FBXL17: variants seen among roughly 807,000 people sequenced by gnomAD.
FBXL17 encodes the protein F-box/LRR-repeat protein 17.
Under a neutral mutation model 66.2 loss-of-function variants are expected in FBXL17, and 22 were observed. The ratio of observed to expected loss-of-function variants is 0.33; its 90% CI spans 0.24 to 0.47. The LOEUF is 0.47. Ranked by LOEUF, FBXL17 falls within the 20% of genes least tolerant of loss-of-function variation. The probability of loss-of-function intolerance (pLI) is 1.00; values close to 1 mark genes in which losing one functional copy is unlikely to be tolerated. For missense variants in FBXL17, 878 were observed against 948.2 expected, an observed-to-expected ratio of 0.93 and a Z score of 0.97; for synonymous variants, 474 against 400.5, an observed-to-expected ratio of 1.18 and a Z score of -2.19.
intron 7 of FBXL17, among the ~76,000 whole-genome samples, chr5:107,894,392 C>T (rs1412627870): frequency 6.6e-6 from 1 of 152,304 alleles, no homozygotes; most frequent in South Asian, 2.1e-4. Context: ...GCTTACTCTA[C>T]TGCAAGTTTT....
chr5:108,050,054 T>A (rs1044113684), intron 6 of FBXL17, among the ~76,000 whole-genome samples: 1 of 152,134 alleles, frequency 6.6e-6, no homozygotes, highest in Non-Finnish European at 1.5e-5. Flanking sequence ...TAAATATACA[T>A]GTACCCAATA....
intron 7 of FBXL17, among the ~76,000 whole-genome samples, chr5:107,971,971 T>C (rs143290932): frequency 3.9e-5 from 6 of 152,354 alleles, no homozygotes; most frequent in African/African-American, 4.8e-5. Flanking sequence ...TGTGTACTTA[T>C]TATACTCATT....
At chr5:108,304,159 T>C (rs1218777418) in intron 4 of FBXL17, among the ~76,000 whole-genome samples, 4 of 152,030 alleles carry the variant, frequency 2.6e-5, no homozygotes, top group African/African-American at 9.7e-5. Context: ...AACACTTTGA[T>C]AGTTGTTTTA....
intron 6 of FBXL17, among the ~76,000 whole-genome samples, chr5:108,184,605 C>T (rs898377056): frequency 1.6e-4 from 24 of 151,916 alleles, no homozygotes; most frequent in African/African-American, 5.1e-4. Flanking sequence ...CCGTGCCCAG[C>T]CAGTGGTGCA....
chr5:107,990,490 A>G (rs1382612859), intron 7 of FBXL17, among the ~76,000 whole-genome samples: 1 of 152,162 alleles, frequency 6.6e-6, no homozygotes, highest in Non-Finnish European at 1.5e-5. Context: ...TGGCTCCATG[A>G]CTTAAAAACC....
chr5:107,966,861 C>T lies in FBXL17; in HGVS notation c.1822+54064G>A, dbSNP rs1321373622. Among the ~76,000 whole-genome samples, 3 of 152,154 alleles carry T rather than the reference C, an allele frequency of 2.0e-5. No individual in the cohort carries two copies. In the East Asian group the frequency reaches 5.8e-4, roughly 29 times the overall value. On this transcript the variant is annotated intron_variant, in intron 7 of 8. Transcript: ENST00000542267. ...TTTTGCAGGTTGTGTTTTAGGAGTA[C>T]GGTGATCTACTTTAATAATAATTGA...
intron 6 of FBXL17, among the ~76,000 whole-genome samples, chr5:108,046,324 C>T (rs1747252281): frequency 6.6e-6 from 1 of 152,056 alleles, no homozygotes; most frequent in African/African-American, 2.4e-5. Context: ...TCCAACCTGC[C>T]TATATTGTTA....
chr5:107,933,625 A>G (rs1750803170), intron 7 of FBXL17, among the ~76,000 whole-genome samples: 1 of 152,174 alleles, frequency 6.6e-6, no homozygotes, highest in African/African-American at 2.4e-5. Flanking sequence ...ACTTAAATGT[A>G]GTCACAGAAA....
rs1398049134 is a variant in FBXL17 at position 108,381,435 on chromosome 5, G to GGCGGCGGCGAGA, written c.245_256dup (p.Leu82_Pro85dup). 6.9e-6 allele frequency: 9 copies of GGCGGCGGCGAGA among 1,311,776 alleles called. No individual in the cohort carries two copies. The Admixed American group carries it at 1.3e-4, about 18-fold the overall frequency. 81.3% of individuals were successfully genotyped at this position (1,311,776 alleles called of 1,614,324 possible). A position where few individuals can be genotyped will look rare whatever the true frequency, so the allele number is the denominator to read the frequency against. ...GGCGGCAGCGTAGGCCCCGTCCCGC[G>GGCGGCGGCGAGA]GCGGCGGCGAGAGCGGCGGCTCCTC... On this transcript the variant is annotated inframe_insertion, in exon 1 of 9. Coordinates refer to ENST00000542267, the MANE Select transcript of FBXL17 (RefSeq NM_001163315.3).
intron 4 of FBXL17, among the ~76,000 whole-genome samples, chr5:108,339,182 T>C (rs1383954969): frequency 6.6e-6 from 1 of 152,230 alleles, no homozygotes; most frequent in African/African-American, 2.4e-5. Context: ...CCTTTAAGTT[T>C]AGTCACTGAA....
At chr5:108,139,441 A>G (rs575557333) in intron 6 of FBXL17, among the ~76,000 whole-genome samples, 68 of 152,314 alleles carry the variant, frequency 4.5e-4, no homozygotes, top group African/African-American at 1.5e-3. Flanking sequence ...TTGAGTTCTC[A>G]TAAGTGGACT....
At chr5:107,897,864 C>G (rs903913997) in intron 7 of FBXL17, among the ~76,000 whole-genome samples, 1 of 149,564 alleles carries the variant, frequency 6.7e-6, no homozygotes, top group Non-Finnish European at 1.5e-5. Context: ...GGATTTATGA[C>G]AGGGCCAATC....
rs200990649 is a variant in FBXL17 at position 108,348,492 on chromosome 5, G to A, written c.1413C>T (p.Phe471=). The change falls in exon 4 of 9, where the codon TTC becomes TTT. Residue 471 remains phenylalanine, a synonymous_variant. Transcript: ENST00000542267. ...SKCRELKDIH[F]GQCYKISDEG... is the part of the protein sequence containing the mutation. ...CATCTGAGATCTTGTAACACTGGCC[G>A]AAATGAATATCTTTGAGTTCTCTGC... is the stretch of plus-strand genomic sequence containing the variant. 92 of 1,613,254 alleles carry A rather than the reference G, an allele frequency of 5.7e-5. No individual in the cohort carries two copies. The highest frequency in any genetic ancestry group is 7.3e-5 in the Non-Finnish European group (86 of 1,179,586).
chr5:108,064,040 G>C (rs1580392035), intron 6 of FBXL17, among the ~76,000 whole-genome samples: 1 of 151,820 alleles, frequency 6.6e-6, no homozygotes, highest in East Asian at 1.9e-4. Context: ...TGGTATGTTT[G>C]CATGTGTTAT....
At chr5:108,012,925 GA>G (rs1754233767) in intron 7 of FBXL17, among the ~76,000 whole-genome samples, 1 of 148,338 alleles carries the variant, frequency 6.7e-6, no homozygotes, top group African/African-American at 2.5e-5. Context: ...TGAAGCAGGA[GA>G]ATCGCTTGAA....
At chr5:107,946,272 T>TATATATATAA (rs1751282820) in intron 7 of FBXL17, among the ~76,000 whole-genome samples, 1 of 44,622 alleles carries the variant, frequency 2.2e-5, no homozygotes, top group African/African-American at 8.6e-5. Flanking sequence ...TATATATATA[T>TATATATATAA]ATATATATAT....
intron 6 of FBXL17, among the ~76,000 whole-genome samples, chr5:108,171,294 A>G (rs962591915): frequency 2.0e-5 from 3 of 152,218 alleles, no homozygotes; most frequent in Non-Finnish European, 4.4e-5. Context: ...GCAACCAACT[A>G]TATTTTTAAA....
intron 5 of FBXL17, among the ~76,000 whole-genome samples, chr5:108,194,197 T>C (rs1753584977): frequency 6.6e-6 from 1 of 152,190 alleles, no homozygotes; most frequent in Non-Finnish European, 1.5e-5. Context: ...CCCCAGATTT[T>C]GAGAAGTTGT....
intron 8 of FBXL17, among the ~76,000 whole-genome samples, chr5:107,874,441 T>C (rs188075919): frequency 1.1e-3 from 171 of 152,344 alleles, no homozygotes; most frequent in Middle Eastern, 3.4e-3. Flanking sequence ...TCACAATATT[T>C]CATTTAATTT....
Sources: allele counts gnomAD v4.1 joint callset (sites outside exome capture counted in the v4.1 genomes callset), GRCh38; gene constraint gnomAD v4.1.1; transcripts MANE v1.5; gene names NCBI Gene and HGNC (gene_info 2026-07-23, HGNC 2026-07-21).